The following ADAM28 variants were observed in gnomAD, a reference collection of about 807,000 sequenced individuals.
ADAM28 encodes disintegrin and metalloproteinase domain-containing protein 28.
In ADAM28, 105 loss-of-function variants were observed where a neutral mutation model predicts 101.2. The observed-to-expected ratio is 1.04, with a 90% CI of 0.89 to 1.22. ADAM28 has a LOEUF of 1.22. ADAM28 is among the 50% of genes most tolerant of loss of function. ADAM28 has a pLI of 0.00. For synonymous variants in ADAM28, 322 were observed against 310.6 expected, an observed-to-expected ratio of 1.04 and a Z score of -0.39; for missense variants, 1,028 against 945.4, an observed-to-expected ratio of 1.09 and a Z score of -1.15.
rs1815003798 is a variant in ADAM28 at position 24,343,252 on chromosome 8, T to C, written c.1911+71T>C. ...CATTCTAGGTCAGTCATAAGAAAGC[T>C]AAAGGAATATTTTCAGCTTTAAATG... On this transcript the variant is annotated intron_variant, in intron 17 of 22. Coordinates refer to ENST00000265769, the MANE Select transcript of ADAM28 (RefSeq NM_014265.6). 2.6e-6 allele frequency: 4 copies of C among 1,542,350 alleles called. No homozygotes were observed. In the South Asian group the frequency reaches 4.5e-5, roughly 17 times the overall value.
At chr8:24,312,429 T>C (rs1421773401) in intron 5 of ADAM28, among the ~76,000 whole-genome samples, 2 of 152,108 alleles carry the variant, frequency 1.3e-5, no homozygotes, top group African/African-American at 4.8e-5. Context: ...GATTCTATCT[T>C]CTAAACACTT....
At chr8:24,328,817 C>T (rs2129302229) in intron 10 of ADAM28, among the ~76,000 whole-genome samples, 1 of 151,688 alleles carries the variant, frequency 6.6e-6, no homozygotes, top group East Asian at 2.0e-4. Flanking sequence ...GTAATTCTAG[C>T]TACTGAGGCA....
chr8:24,333,185 T>C (rs974622216), intron 13 of ADAM28, among the ~76,000 whole-genome samples: 1 of 151,916 alleles, frequency 6.6e-6, no homozygotes, highest in African/African-American at 2.4e-5. Context: ...AATGGGGAGA[T>C]GATGGTCAAA....
rs1291888435 is a variant in ADAM28, at chr8:24,351,582, T to C, written c.2178+272T>C. The C allele has an allele frequency of 1.1e-5, 6 of 525,820 alleles. No individual in the cohort carries two copies. The Admixed American group carries it at 1.6e-4, about 14-fold the overall frequency. 32.6% of individuals were successfully genotyped at this position (525,820 alleles called of 1,614,324 possible). On this transcript the variant is annotated intron_variant, in intron 20 of 22. Coordinates refer to ENST00000265769, the MANE Select transcript of ADAM28 (RefSeq NM_014265.6). ...CTCTCTCTTTGTCTCTGCTTCATTC[T>C]CTCTCCCTCTCTCACACACACACAC...
In ADAM28 at chr8:24,351,251, A is replaced by C. The variant is rs1055423747; in HGVS notation, c.2119A>C (p.Thr707Pro). The C allele has an allele frequency of 1.9e-6, 3 of 1,606,940 alleles. No individual in the cohort carries two copies. The highest frequency in any genetic ancestry group is 3.4e-5 in the Admixed American group (2 of 59,194). ...TTACAGGCCACTATCTACCACTGGC[A>C]CCAGGCCACACAAACAGAAGAGGAA... ...KDQRPLSTTG[T>P]RPHKQKRKPQ... is the part of the protein sequence containing the mutation. The change falls in exon 20 of 23, where the codon ACC becomes CCC. Residue 707 changes from threonine (T) to proline (P), a missense_variant. Thr to Pro is a conservative substitution (Grantham distance 38). Coordinates refer to ENST00000265769, the MANE Select transcript of ADAM28 (RefSeq NM_014265.6).
At chr8:24,312,956 T>G (rs1036132048) in intron 5 of ADAM28, among the ~76,000 whole-genome samples, 2 of 152,196 alleles carry the variant, frequency 1.3e-5, no homozygotes, top group African/African-American at 4.8e-5. Context: ...CTGAGGCTTG[T>G]GAGTTTAAAG....
At chr8:24,309,426 T>A (rs1810138193) in intron 2 of ADAM28, among the ~76,000 whole-genome samples, 1 of 152,150 alleles carries the variant, frequency 6.6e-6, no homozygotes. Context: ...CCTGGGTAAT[T>A]TATGTGTCGT....
chr8:24,336,099 A>G (rs1814013461), intron 14 of ADAM28: 1 of 987,704 alleles, frequency 1.0e-6, no homozygotes, highest in African/African-American at 1.7e-5. Context: ...GACAGAAATA[A>G]GAAAAGATGG....
intron 14 of ADAM28, among the ~76,000 whole-genome samples, chr8:24,338,606 T>G (rs1022855014): frequency 6.6e-6 from 1 of 152,212 alleles, no homozygotes; most frequent in Non-Finnish European, 1.5e-5. Context: ...CATTTTATCT[T>G]ACACATTGAA....
chr8:24,352,003 C>T lies in ADAM28; in HGVS notation c.2195C>T (p.Pro732Leu), dbSNP rs1816213640. Reference protein sequence around the residue: ...VQPQEMSQMKPHVYDLPVEGN... With the variant: ...VQPQEMSQMKLHVYDLPVEGN... ...TCTTTTCAGATGAGTCAGATGAAGC[C>T]CCATGTGTATGATCTGCCAGTAGAA... The change falls in exon 21 of 23, where the codon CCC becomes CTC. Residue 732 changes from proline (P) to leucine (L), a missense_variant. By Grantham distance (98) the Pro-to-Leu change is moderately conservative. Coordinates refer to ENST00000265769, the MANE Select transcript of ADAM28 (RefSeq NM_014265.6). 1.9e-6 allele frequency: 3 copies of T among 1,613,512 alleles called. No individual in the cohort carries two copies. The highest frequency in any genetic ancestry group is 2.5e-6 in the Non-Finnish European group (3 of 1,179,684).
chr8:24,354,465 A>T lies in ADAM28; in HGVS notation c.*61A>T. On this transcript the variant is annotated 3_prime_UTR_variant, in exon 23 of 23. Coordinates refer to ENST00000265769, the MANE Select transcript of ADAM28 (RefSeq NM_014265.6). The stretch of plus-strand genomic sequence containing the variant: ...CAACTTGGAAAACTGGAAAATCTGG[A>T]TGGCAGAGAAATATACTATCTATCT... The T allele has an allele frequency of 1.4e-6, 2 of 1,480,858 alleles. No homozygotes were observed. The highest frequency in any genetic ancestry group is 1.7e-4 in the Middle Eastern group (1 of 5,810). 91.7% of individuals were successfully genotyped at this position (1,480,858 alleles called of 1,614,324 possible).
Position 24,300,142 on chromosome 8 carries a change from T to G in ADAM28, c.150+65T>G, listed in dbSNP as rs1808523363. ...ACATATATACACACATATATATATC[T>G]ATCTATGATGAGAGATAGATATGGG... On this transcript the variant is annotated intron_variant, in intron 2 of 22. Coordinates refer to ENST00000265769, the MANE Select transcript of ADAM28 (RefSeq NM_014265.6). 4 of 1,309,168 alleles carry G rather than the reference T, an allele frequency of 3.1e-6. No homozygotes were observed. The South Asian group carries it at 5.1e-5, about 17-fold the overall frequency. The allele number at this position is 1,309,168 out of a possible 1,614,324, so 81.1% of individuals were successfully genotyped here.
intron 8 of ADAM28, among the ~76,000 whole-genome samples, chr8:24,322,007 C>T (rs1439719277): frequency 6.6e-6 from 1 of 151,826 alleles, no homozygotes; most frequent in Non-Finnish European, 1.5e-5. Flanking sequence ...TATAAATGCT[C>T]TAAAGATAAT....
At chr8:24,295,571 G>C (rs1033338272) in intron 1 of ADAM28, among the ~76,000 whole-genome samples, 5 of 152,074 alleles carry the variant, frequency 3.3e-5, no homozygotes, top group African/African-American at 1.2e-4. Context: ...CTTAGTTGAA[G>C]AGCGTAAAGA....
intron 13 of ADAM28, among the ~76,000 whole-genome samples, chr8:24,333,544 T>C (rs1000585886): frequency 1.3e-5 from 2 of 152,204 alleles, no homozygotes; most frequent in Non-Finnish European, 2.9e-5. Flanking sequence ...TGGCCACTGT[T>C]GAGTAGGATA....
intron 10 of ADAM28, among the ~76,000 whole-genome samples, chr8:24,328,025 A>G (rs1812856507): frequency 6.6e-6 from 1 of 152,112 alleles, no homozygotes; most frequent in Admixed American, 6.6e-5. Context: ...TTACGTAAGT[A>G]ACAATCCTGC....
intron 17 of ADAM28, 83 bp from the exon 18 acceptor site, chr8:24,343,423 G>A: frequency 7.1e-7 from 1 of 1,399,432 alleles, no homozygotes; most frequent in Non-Finnish European, 1.0e-6. Flanking sequence ...TCCTTTTTCT[G>A]CATGAACTTT....
At position 24,354,760 on chromosome 8, in the gene ADAM28, T is replaced by C. The variant is rs1816562724; in HGVS notation, c.*356T>C. 5.7e-6 allele frequency: 1 copy of C among 174,032 alleles called. No individual in the cohort carries two copies. The highest frequency in any genetic ancestry group is 2.4e-5 in the African/African-American group (1 of 42,040). 10.8% of individuals were successfully genotyped at this position (174,032 alleles called of 1,614,324 possible). A position where few individuals can be genotyped will look rare whatever the true frequency, so the allele number is the denominator to read the frequency against. ...TTGGAGGAATAAGAAAAATTGTACA[T>C]CCATTAAATGTACAATTGATTGCAA... On this transcript the variant is annotated 3_prime_UTR_variant, in exon 23 of 23. Transcript: ENST00000265769.
chr8:24,333,553 T>C (rs1813640542), intron 13 of ADAM28, among the ~76,000 whole-genome samples: 1 of 152,224 alleles, frequency 6.6e-6, no homozygotes, highest in Non-Finnish European at 1.5e-5. Context: ...TTGAGTAGGA[T>C]AACCCCAAGT....
Sources: allele counts gnomAD v4.1 joint callset (sites outside exome capture counted in the v4.1 genomes callset), GRCh38; gene constraint gnomAD v4.1.1; transcripts MANE v1.5; gene names NCBI Gene and HGNC (gene_info 2026-07-23, HGNC 2026-07-21).